Variants in VOPP1 observed in about 807,000 individuals in gnomAD.
VOPP1 encodes the protein VOPP1 WW domain binding protein.
VOPP1 carries 8 observed loss-of-function variants against 23.5 expected under a neutral mutation model. The observed-to-expected ratio is 0.34, with a 90% CI of 0.20 to 0.61. The LOEUF (loss-of-function observed/expected upper bound fraction) is 0.61. Among genes scored for constraint, VOPP1 ranks in the 20% least tolerant of loss-of-function variants. The probability of loss-of-function intolerance (pLI) is 0.78; values close to 1 mark genes in which losing one functional copy is unlikely to be tolerated. For missense variants in VOPP1, 174 were observed against 238.1 expected (o/e 0.73, Z 1.77); for synonymous variants, 83 against 97.3 (o/e 0.85, Z 0.86).
intron 1 of VOPP1, among the ~76,000 whole-genome samples, chr7:55,545,664 G>A (rs1797335672): frequency 6.6e-6 from 1 of 152,152 alleles, no homozygotes; most frequent in African/African-American, 2.4e-5. Flanking sequence ...GGACTCAAGA[G>A]GGATCCACTG....
At chr7:55,561,133 G>A (rs1056785669) in intron 1 of VOPP1, among the ~76,000 whole-genome samples, 1 of 151,970 alleles carries the variant, frequency 6.6e-6, no homozygotes, top group Non-Finnish European at 1.5e-5. Flanking sequence ...ACCGCTGTGC[G>A]ACCTTCACCA....
chr7:55,564,760 G>A (rs1198678211), intron 1 of VOPP1, among the ~76,000 whole-genome samples: 2 of 152,110 alleles, frequency 1.3e-5, no homozygotes, highest in African/African-American at 4.8e-5. Context: ...AATCCACCCT[G>A]GGCCACAAGT....
At chr7:55,565,739 C>T (rs1445660420) in intron 1 of VOPP1, among the ~76,000 whole-genome samples, 4 of 142,540 alleles carry the variant, frequency 2.8e-5, no homozygotes, top group Non-Finnish European at 6.1e-5. Flanking sequence ...AATCTCCTGG[C>T]TGCAGGGGTG....
chr7:55,553,128 G>C (rs1295755620), intron 1 of VOPP1, among the ~76,000 whole-genome samples: 2 of 152,186 alleles, frequency 1.3e-5, no homozygotes, highest in Non-Finnish European at 2.9e-5. Flanking sequence ...AAGAGTAACA[G>C]TATAGGCAGA....
At chr7:55,492,568 G>T in intron 3 of VOPP1, 150 bp from the exon 4 acceptor site, 1 of 978,080 alleles carries the variant, frequency 1.0e-6, no homozygotes, top group South Asian at 2.1e-5. Flanking sequence ...GAGCCATGAG[G>T]CTCGCACCTC....
intron 1 of VOPP1, among the ~76,000 whole-genome samples, chr7:55,568,191 A>T (rs4948037): frequency 0.96 from 146,120 of 151,628 alleles, 70,495 homozygotes; most frequent in East Asian, 1. Flanking sequence ...GCCATTCTCC[A>T]GGCTCAGCCT....
intron 4 of VOPP1, among the ~76,000 whole-genome samples, chr7:55,438,201 T>C (rs113171040): frequency 5.3e-5 from 8 of 152,086 alleles, no homozygotes; most frequent in African/African-American, 1.9e-4. Context: ...GGCCCTTCTT[T>C]GTATTTCTTG....
chr7:55,541,485 A>C (rs1797131020), intron 1 of VOPP1, among the ~76,000 whole-genome samples: 1 of 152,232 alleles, frequency 6.6e-6, no homozygotes, highest in African/African-American at 2.4e-5. Context: ...GAAAATGTGG[A>C]ACATTTGACC....
At chr7:55,529,604 T>C (rs1796385062) in intron 1 of VOPP1, among the ~76,000 whole-genome samples, 1 of 152,216 alleles carries the variant, frequency 6.6e-6, no homozygotes, top group African/African-American at 2.4e-5. Flanking sequence ...TTATACACTA[T>C]AAAATCACCC....
chr7:55,526,233 A>G (rs1012291038), intron 1 of VOPP1, among the ~76,000 whole-genome samples: 1 of 152,254 alleles, frequency 6.6e-6, no homozygotes, highest in African/African-American at 2.4e-5. Flanking sequence ...TCAACAGTTC[A>G]CACTGGAGAG....
intron 4 of VOPP1, among the ~76,000 whole-genome samples, chr7:55,486,534 G>A (rs1793159252): frequency 6.6e-6 from 1 of 152,144 alleles, no homozygotes; most frequent in African/African-American, 2.4e-5. Context: ...CAGAGCTGGA[G>A]GACTTTGTGG....
chr7:55,487,776 C>T (rs1181189807), intron 4 of VOPP1, among the ~76,000 whole-genome samples: 1 of 152,222 alleles, frequency 6.6e-6, no homozygotes, highest in Non-Finnish European at 1.5e-5. Flanking sequence ...ATAATTCAAT[C>T]ATCGTTTTCT....
Position 55,483,881 on chromosome 7 carries a change from C to T in VOPP1, c.328+8401G>A, listed in dbSNP as rs957118075. 5.3e-5 allele frequency among the ~76,000 whole-genome samples: 8 copies of T among 152,152 alleles called. No individual in the cohort carries two copies. In the East Asian group the frequency reaches 5.8e-4, roughly 11 times the overall value. Reference sequence around the variant, plus strand: ...AAGCAATTCTCCTGTCTCAGCCTCCCGAGTAGCTGGGATTACAGGCACATG... The same window carrying T: ...AAGCAATTCTCCTGTCTCAGCCTCCTGAGTAGCTGGGATTACAGGCACATG... On this transcript the variant is annotated intron_variant, in intron 4 of 4. Coordinates refer to ENST00000285279, the MANE Select transcript of VOPP1 (RefSeq NM_030796.5).
At chr7:55,521,011 G>C in intron 2 of VOPP1, 61 bp downstream of exon 2, 1 of 1,524,416 alleles carries the variant, frequency 6.6e-7, no homozygotes, top group Admixed American at 2.0e-5. Flanking sequence ...ACTTTAGCAA[G>C]ACAATTCCCA....
chr7:55,472,753 C>T lies in VOPP1; in HGVS notation c.*102G>A, dbSNP rs1020147138. 2 of 564,700 alleles carry T rather than the reference C, an allele frequency of 3.5e-6. No homozygotes were observed. The highest frequency in any genetic ancestry group is 5.7e-6 in the Non-Finnish European group (2 of 352,212). 35.0% of individuals were successfully genotyped at this position (564,700 alleles called of 1,614,324 possible). ...CTGTGAGGATATCAGAGGAACTGCCCTTAGCAGCCCACGAGACCGTTCCTG... is the reference window on the plus strand; with the variant it reads ...CTGTGAGGATATCAGAGGAACTGCCTTTAGCAGCCCACGAGACCGTTCCTG... On this transcript the variant is annotated 3_prime_UTR_variant, in exon 5 of 5. Transcript: ENST00000285279.
chr7:55,469,198 G>A (rs901116617), downstream of VOPP1, among the ~76,000 whole-genome samples: 9 of 152,048 alleles, frequency 5.9e-5, no homozygotes, highest in Non-Finnish European at 1.3e-4. Context: ...GACGATTGTC[G>A]GGAAGCCTTC....
intron 1 of VOPP1, chr7:55,539,443 T>C (rs542855880): frequency 2.0e-5 from 3 of 152,198 alleles, no homozygotes; most frequent in Non-Finnish European, 4.4e-5. Context: ...GATCAACACA[T>C]GAAATCCCCA....
At chr7:55,520,987 A>T (rs1795808061) in intron 2 of VOPP1, 85 bp downstream of exon 2, 14 of 1,445,206 alleles carry the variant, frequency 9.7e-6, no homozygotes, top group Middle Eastern at 1.7e-4. Flanking sequence ...GGCTTTCCCC[A>T]TCCCACACCC....
At chr7:55,437,732 C>A (rs1245899658) in intron 4 of VOPP1, among the ~76,000 whole-genome samples, 1 of 152,114 alleles carries the variant, frequency 6.6e-6, no homozygotes, top group Non-Finnish European at 1.5e-5. Context: ...TTAATATAAT[C>A]CCTGATTTTC....
Sources: allele counts gnomAD v4.1 joint callset (sites outside exome capture counted in the v4.1 genomes callset), GRCh38; gene constraint gnomAD v4.1.1; transcripts MANE v1.5; gene names NCBI Gene and HGNC (gene_info 2026-07-23, HGNC 2026-07-21).